The following ALPK2 variants were observed in gnomAD, a reference collection of about 807,000 sequenced individuals.
ALPK2 encodes the protein alpha kinase 2.
A neutral mutation model predicts 163.1 loss-of-function variants in ALPK2; 127 were observed. The observed-to-expected ratio is 0.78, with a 90% CI of 0.67 to 0.90. The LOEUF (loss-of-function observed/expected upper bound fraction) is 0.90. ALPK2 is among the 40% of genes least tolerant of loss of function. ALPK2 has a pLI of 0.00. For missense variants in ALPK2, 2,360 were observed against 2,589.6 expected (o/e 0.91, Z 1.92); for synonymous variants, 953 against 959.1 (o/e 0.99, Z 0.12).
chr18:58,542,475 CTT>C (rs1310345933), intron 4 of ALPK2, among the ~76,000 whole-genome samples: 2 of 152,326 alleles, frequency 1.3e-5, no homozygotes, highest in East Asian at 3.9e-4. Context: ...GTTATCATCT[CTT>C]CTTTACTGAT....
intron 2 of ALPK2, among the ~76,000 whole-genome samples, chr18:58,609,325 A>C (rs942644273): frequency 6.6e-6 from 1 of 152,276 alleles, no homozygotes; most frequent in Non-Finnish European, 1.5e-5. Flanking sequence ...AGACACCAAA[A>C]AATGGGCTTC....
At chr18:58,618,982 G>A (rs1299117830) in intron 1 of ALPK2, among the ~76,000 whole-genome samples, 1 of 152,118 alleles carries the variant, frequency 6.6e-6, no homozygotes, top group African/African-American at 2.4e-5. Flanking sequence ...GGGACAGGAG[G>A]GATTAGTTCT....
chr18:58,554,555 C>A (rs989455315), intron 4 of ALPK2, among the ~76,000 whole-genome samples: 1 of 152,180 alleles, frequency 6.6e-6, no homozygotes, highest in Admixed American at 6.5e-5. Context: ...CCCTCCCTGG[C>A]AGCCTGCCAA....
intron 10 of ALPK2, among the ~76,000 whole-genome samples, chr18:58,514,297 C>A (rs57730400): frequency 6.6e-6 from 1 of 152,088 alleles, no homozygotes. Context: ...TTCCTTCTTC[C>A]TTCTCCCAGT....
At chr18:58,506,597 T>C (rs972200240) in intron 10 of ALPK2, among the ~76,000 whole-genome samples, 2 of 152,092 alleles carry the variant, frequency 1.3e-5, no homozygotes, top group African/African-American at 2.4e-5. Context: ...CAGAGGTGAC[T>C]AAGACACAGT....
At chr18:58,530,386 G>A (rs1421592864) in intron 5 of ALPK2, among the ~76,000 whole-genome samples, 2 of 152,332 alleles carry the variant, frequency 1.3e-5, no homozygotes, top group Non-Finnish European at 2.9e-5. Flanking sequence ...TAACAAGTAC[G>A]TATTGATGGC....
At chr18:58,516,242 C>T (rs1028012932) in intron 9 of ALPK2, among the ~76,000 whole-genome samples, 2 of 147,382 alleles carry the variant, frequency 1.4e-5, no homozygotes, top group Non-Finnish European at 3.0e-5. Context: ...AAAAAAAAGA[C>T]GGAGTGAAAT....
At chr18:58,583,028 T>A (rs2051967085) in intron 3 of ALPK2, among the ~76,000 whole-genome samples, 1 of 152,194 alleles carries the variant, frequency 6.6e-6, no homozygotes, top group East Asian at 1.9e-4. Context: ...AGGTGTCAGA[T>A]TCTCTCCTGA....
chr18:58,537,733 G>A lies in ALPK2; in HGVS notation c.2454C>T (p.Thr818=). The A allele has an allele frequency of 6.2e-7, 1 of 1,614,132 alleles. No individual in the cohort carries two copies. Among genetic ancestry groups the A allele is most frequent in the Non-Finnish European group, 8.5e-7 (1 of 1,179,984 alleles). Reference sequence around the variant, plus strand: ...CTGGTCTCCCAACAAGAGAATCTATGGTATCAAAACACGTTCCTTGGTCAC... The same window carrying A: ...CTGGTCTCCCAACAAGAGAATCTATAGTATCAAAACACGTTCCTTGGTCAC... ...EAGDQGTCFD[T]IDSLVGRPVD... Residue 818 remains threonine (T), a synonymous_variant, in exon 5 of 13, where the codon ACC becomes ACT. Transcript: ENST00000361673.
chr18:58,609,293 T>C (rs1410216813), intron 2 of ALPK2, among the ~76,000 whole-genome samples: 1 of 152,222 alleles, frequency 6.6e-6, no homozygotes, highest in African/African-American at 2.4e-5. Flanking sequence ...GCTGAGCCTC[T>C]TACAGGCATT....
chr18:58,522,807 G>A (rs1303767465), intron 8 of ALPK2, among the ~76,000 whole-genome samples: 4 of 152,136 alleles, frequency 2.6e-5, no homozygotes, highest in African/African-American at 9.7e-5. Flanking sequence ...CTGCTACAGT[G>A]TAGCATCCAA....
rs2051571224 is a variant in ALPK2 at position 58,524,045 on chromosome 18, G to A, written c.5519C>T (p.Thr1840Ile). The A allele has an allele frequency of 6.2e-7, 1 of 1,613,738 alleles. No individual in the cohort carries two copies. Among genetic ancestry groups the A allele is most frequent in the Non-Finnish European group, 8.5e-7 (1 of 1,179,726 alleles). ...QVQRSAGDNS[T>I]VSFAIVQASP... is the part of the protein sequence containing the mutation. ...GGCTTGCACGATGGCAAAGGAAACAGTGGAGTTGTCCCCTGCACTGCAATG... is the reference window on the plus strand; with the variant it reads ...GGCTTGCACGATGGCAAAGGAAACAATGGAGTTGTCCCCTGCACTGCAATG... The change falls in exon 7 of 13, where the codon ACT becomes ATT. Residue 1840 changes from threonine to isoleucine, a missense_variant. Thr to Ile is a moderately conservative substitution (Grantham distance 89). Transcript: ENST00000361673.
chr18:58,551,334 G>A (rs752602495), intron 4 of ALPK2, among the ~76,000 whole-genome samples: 2 of 152,102 alleles, frequency 1.3e-5, no homozygotes, highest in Non-Finnish European at 2.9e-5. Flanking sequence ...GGTGGCTCCT[G>A]GCCATCCTTG....
chr18:58,564,356 A>G (rs901410398), intron 4 of ALPK2, among the ~76,000 whole-genome samples: 1 of 151,794 alleles, frequency 6.6e-6, no homozygotes, highest in Non-Finnish European at 1.5e-5. Flanking sequence ...TCCCGACCTC[A>G]GGTGATTCGC....
chr18:58,578,738 A>ACACATGCGCGCACGCGCGCG lies in ALPK2; in HGVS notation c.1962+75_1962+76insCGCGCGCGTGCGCGCATGTG, dbSNP rs2051936095. 13 of 936,776 alleles carry ACACATGCGCGCACGCGCGCG rather than the reference A, an allele frequency of 1.4e-5. No individual in the cohort carries two copies. In the South Asian group the frequency reaches 2.1e-4, roughly 15 times the overall value. The allele number at this position is 936,776 out of a possible 1,614,324, so 58.0% of individuals were successfully genotyped here. ...GAATGTGAAGTAAAGGAAGAGACAC[A>ACACATGCGCGCACGCGCGCG]CACACACACACACACACACACACAC... is the stretch of plus-strand genomic sequence containing the variant. On this transcript the variant is annotated intron_variant, in intron 4 of 12. Transcript: ENST00000361673.
chr18:58,592,496 G>A (rs562226747), intron 3 of ALPK2, among the ~76,000 whole-genome samples: 1 of 152,146 alleles, frequency 6.6e-6, no homozygotes, highest in Non-Finnish European at 1.5e-5. Context: ...CAGATGCACC[G>A]GAGCTGGAAT....
At chr18:58,597,609 C>A (rs921888669) in intron 3 of ALPK2, among the ~76,000 whole-genome samples, 1 of 152,288 alleles carries the variant, frequency 6.6e-6, no homozygotes, top group South Asian at 2.1e-4. Context: ...TCTACTTACA[C>A]TCTCACAGAG....
chr18:58,573,027 A>T (rs2051893917), intron 4 of ALPK2, among the ~76,000 whole-genome samples: 2 of 152,146 alleles, frequency 1.3e-5, no homozygotes, highest in Non-Finnish European at 2.9e-5. Context: ...ATGTACAATT[A>T]TCTCAGTAAA....
chr18:58,559,887 GT>G (rs1414284265), intron 4 of ALPK2, among the ~76,000 whole-genome samples: 1 of 152,216 alleles, frequency 6.6e-6, no homozygotes, highest in Non-Finnish European at 1.5e-5. Flanking sequence ...TACTCTGTCT[GT>G]TTCTGATAAC....
Sources: allele counts gnomAD v4.1 joint callset (sites outside exome capture counted in the v4.1 genomes callset), GRCh38; gene constraint gnomAD v4.1.1; transcripts MANE v1.5; gene names NCBI Gene and HGNC (gene_info 2026-07-23, HGNC 2026-07-21).